Variants in OPCML observed in about 807,000 individuals in gnomAD.
OPCML encodes opioid binding protein/cell adhesion molecule like, also known as opioid-binding protein/cell adhesion molecule.
OPCML carries 13 observed loss-of-function variants against 37.8 expected under a neutral mutation model. That is an observed-to-expected ratio of 0.34 (90% CI 0.22 to 0.55). OPCML has a LOEUF of 0.55. OPCML is among the 20% of genes least tolerant of loss of function. OPCML has a pLI of 0.91. For missense variants in OPCML, 341 were observed against 435.6 expected (o/e 0.78, Z 1.93); for synonymous variants, 176 against 168.8 (o/e 1.04, Z -0.33).
intron 2 of OPCML, among the ~76,000 whole-genome samples, chr11:132,839,095 C>T (rs1185868264): frequency 1.3e-5 from 2 of 152,186 alleles, no homozygotes; most frequent in African/African-American, 2.4e-5. Flanking sequence ...GCATTTTCCT[C>T]AACAGAAAAT....
chr11:132,896,750 A>C (rs1943865875), intron 2 of OPCML, among the ~76,000 whole-genome samples: 2 of 152,248 alleles, frequency 1.3e-5, no homozygotes, highest in African/African-American at 4.8e-5. Context: ...ACCAAGAAGT[A>C]GAAACTACTG....
rs1939369360 is a variant in OPCML, at chr11:133,211,757, C to T, written c.62-268747G>A. On this transcript the variant is annotated intron_variant, in intron 1 of 7. Coordinates refer to ENST00000524381, the MANE Select transcript of OPCML (RefSeq NM_001012393.5). This position sits in a 1 kb window ranked among gnomAD's most constrained non-coding sequence, Gnocchi z 4.1. Reference sequence around the variant, plus strand: ...GCATCATCATTTATTATACCATCACCATTATCACAACACGCTTTTCACAAT... The same window carrying T: ...GCATCATCATTTATTATACCATCACTATTATCACAACACGCTTTTCACAAT... Among the ~76,000 whole-genome samples, 1 of 152,220 alleles carries T rather than the reference C, an allele frequency of 6.6e-6. No individual in the cohort carries two copies. Among genetic ancestry groups the T allele is most frequent in the Non-Finnish European group, 1.5e-5 (1 of 68,042 alleles).
At chr11:132,543,645 CA>C (rs2096362363) in intron 3 of OPCML, among the ~76,000 whole-genome samples, 2 of 152,028 alleles carry the variant, frequency 1.3e-5, no homozygotes, top group Admixed American at 1.3e-4. Context: ...GTTCTAAACA[CA>C]ATAGGTTTTG....
chr11:132,857,425 G>T (rs79555602), intron 2 of OPCML, among the ~76,000 whole-genome samples: 2,970 of 152,192 alleles, frequency 0.02, 40 homozygotes, highest in Middle Eastern at 0.048. Context: ...AATTGATATG[G>T]TTTCTGATTA....
In OPCML at chr11:133,458,249, T is replaced by TATATACACGTGTGTGTATATATACACAC. The variant is rs1565644755; in HGVS notation, c.61+74014_61+74015insGTGTGTATATATACACACACGTGTATAT. ...ATACACGTGTGTGTATATATACACATATATATACACGTGTGTGTATATATA... is the reference window on the plus strand; with the variant it reads ...ATACACGTGTGTGTATATATACACATATATACACGTGTGTGTATATATACACACATATATACACGTGTGTGTATATATA... On this transcript the variant is annotated intron_variant, in intron 1 of 7. Transcript: ENST00000524381. Among the ~76,000 whole-genome samples the TATATACACGTGTGTGTATATATACACAC allele has an allele frequency of 1.7e-3, 102 of 58,486 alleles. 16 individuals are homozygous for TATATACACGTGTGTGTATATATACACAC. The highest frequency in any genetic ancestry group is 2.0e-3 in the Non-Finnish European group (70 of 35,242). 38.4% of individuals were successfully genotyped at this position (58,486 alleles called of 152,430 possible). A position where few individuals can be genotyped will look rare whatever the true frequency, so the allele number is the denominator to read the frequency against.
At chr11:132,782,007 T>G (rs1381779218) in intron 2 of OPCML, among the ~76,000 whole-genome samples, 1 of 144,842 alleles carries the variant, frequency 6.9e-6, no homozygotes, top group Non-Finnish European at 1.5e-5. Context: ...GCCTGAATAA[T>G]GAAGTCATTT....
intron 1 of OPCML, among the ~76,000 whole-genome samples, chr11:133,101,303 T>A (rs965447269): frequency 3.3e-5 from 5 of 152,136 alleles, no homozygotes; most frequent in African/African-American, 1.2e-4. Context: ...TGCATTAAAA[T>A]TAAAAACTTA....
intron 1 of OPCML, chr11:133,008,565 G>C (rs1947156600): frequency 2.5e-6 from 1 of 407,458 alleles, no homozygotes; most frequent in Non-Finnish European, 3.3e-6. Flanking sequence ...ACTGCCCTCA[G>C]TGGACAAAAG....
At chr11:132,646,189 T>C (rs915841036) in intron 3 of OPCML, among the ~76,000 whole-genome samples, 2 of 152,142 alleles carry the variant, frequency 1.3e-5, no homozygotes, top group Non-Finnish European at 1.5e-5. Flanking sequence ...AAATTACTCA[T>C]GTAACCAAAC....
chr11:132,676,634 T>C (rs1341998010), intron 2 of OPCML, among the ~76,000 whole-genome samples: 2 of 151,792 alleles, frequency 1.3e-5, no homozygotes, highest in East Asian at 3.9e-4. Context: ...ACTATCTGAA[T>C]AGATATTTCT....
intron 1 of OPCML, among the ~76,000 whole-genome samples, chr11:133,494,038 C>T (rs1001472623): frequency 6.6e-6 from 1 of 151,440 alleles, no homozygotes; most frequent in African/African-American, 2.4e-5. Flanking sequence ...ACAACCCCAT[C>T]AAAAAGTGGG....
In OPCML at chr11:133,174,406, A is replaced by G. The variant is rs532341258; in HGVS notation, c.62-231396T>C. On this transcript the variant is annotated intron_variant, in intron 1 of 7. Coordinates refer to ENST00000524381, the MANE Select transcript of OPCML (RefSeq NM_001012393.5). This position sits in a 1 kb window ranked among gnomAD's most constrained non-coding sequence, Gnocchi z 4.6. ...GCCTGGTAGTGAAATAAGGCAGCTA[A>G]ACCTTACCTCTGGATATAGGAGAAG... 6.6e-6 allele frequency among the ~76,000 whole-genome samples: 1 copy of G among 152,270 alleles called. No homozygotes were observed. The highest frequency in any genetic ancestry group is 2.1e-4 in the South Asian group (1 of 4,828).
chr11:132,567,757 C>A (rs1002216160), intron 3 of OPCML, among the ~76,000 whole-genome samples: 1 of 152,094 alleles, frequency 6.6e-6, no homozygotes, highest in African/African-American at 2.4e-5. Flanking sequence ...TCTGATCTAT[C>A]CTTTAGAAAG....
intron 1 of OPCML, among the ~76,000 whole-genome samples, chr11:133,045,121 C>T (rs1307234557): frequency 2.6e-5 from 4 of 152,170 alleles, no homozygotes; most frequent in African/African-American, 9.7e-5. Context: ...AGACCCAATC[C>T]CTGCCCCTCA....
At chr11:132,473,206 T>C (rs1269304354) in intron 4 of OPCML, among the ~76,000 whole-genome samples, 1 of 152,206 alleles carries the variant, frequency 6.6e-6, no homozygotes, top group Non-Finnish European at 1.5e-5. Flanking sequence ...TCCCAGCCAA[T>C]GTGCAGCTTT....
At chr11:133,197,826 G>A (rs562798806) in intron 1 of OPCML, among the ~76,000 whole-genome samples, 2 of 152,246 alleles carry the variant, frequency 1.3e-5, no homozygotes, top group East Asian at 1.9e-4. Context: ...CGAGTAGGAC[G>A]CCTCCCCAAA....
chr11:132,499,209 C>T (rs2096240639), intron 4 of OPCML, among the ~76,000 whole-genome samples: 1 of 152,164 alleles, frequency 6.6e-6, no homozygotes, highest in Admixed American at 6.5e-5. Context: ...GTCCCTCTGC[C>T]AGCCCTAAGA....
rs1950339726 is a variant in OPCML, at chr11:133,174,605, G to C, written c.62-231595C>G. Reference sequence around the variant, plus strand: ...ATACAGTAAGTATATGCATTTATTTGTGTTGAAAAAATGCTCATGGAATGC... The same window carrying C: ...ATACAGTAAGTATATGCATTTATTTCTGTTGAAAAAATGCTCATGGAATGC... On this transcript the variant is annotated intron_variant, in intron 1 of 7. Transcript: ENST00000524381. This position sits in a 1 kb window ranked among gnomAD's most constrained non-coding sequence, Gnocchi z 4.6. 7.3e-6 allele frequency among the ~76,000 whole-genome samples: 1 copy of C among 137,718 alleles called. No individual in the cohort carries two copies. The highest frequency in any genetic ancestry group is 1.5e-5 in the Non-Finnish European group (1 of 65,590). 90.3% of individuals were successfully genotyped at this position (137,718 alleles called of 152,430 possible).
At chr11:132,891,916 T>C (rs993649973) in intron 2 of OPCML, among the ~76,000 whole-genome samples, 4 of 152,122 alleles carry the variant, frequency 2.6e-5, no homozygotes, top group East Asian at 1.9e-4. Flanking sequence ...CTGCCGTGAA[T>C]TGTGTACCCT....
Sources: gnomAD v4.1 joint callset for allele counts (sites outside exome capture counted in the v4.1 genomes callset) on GRCh38, gnomAD v4.1.1 for gene constraint, Gnocchi (gnomAD v3.1) non-coding constraint, MANE v1.5 for transcripts, NCBI Gene and HGNC (gene_info 2026-07-23, HGNC 2026-07-21) for gene names.